The following CIMAP2 variants were observed in gnomAD, a reference collection of about 807,000 sequenced individuals.
CIMAP2 encodes the protein ciliary microtubule associated protein 2, also known as ciliary microtubule-associated protein 2.
At chr1:54,817,044 G>C in the CIMAP2 span, 1 of 1,614,108 alleles carries the variant, frequency 6.2e-7, no homozygotes, top group Non-Finnish European at 8.5e-7. Flanking sequence ...ACAAAGGACA[G>C]GCGGCAGCGA....
chr1:54,841,891 A>C, the CIMAP2 span: 2 of 1,550,014 alleles, frequency 1.3e-6, no homozygotes. Flanking sequence ...TGCGAAGGAC[A>C]GCCTGCAGTG....
the CIMAP2 span, chr1:54,806,279 C>T: frequency 7.0e-7 from 1 of 1,426,370 alleles, no homozygotes; most frequent in Non-Finnish European, 9.2e-7. Flanking sequence ...GCTGCCCACC[C>T]CGAAGCCACG....
At chr1:54,825,384 G>A in the CIMAP2 span, among the ~76,000 whole-genome samples, 2 of 152,202 alleles carry the variant, frequency 1.3e-5, no homozygotes, top group East Asian at 3.9e-4. Context: ...CATATATAGT[G>A]TTGGTTGGGT....
chr1:54,815,165 C>A, the CIMAP2 span: 1 of 1,394,450 alleles, frequency 7.2e-7, no homozygotes, highest in Non-Finnish European at 9.8e-7. Context: ...TTCTTTTCCC[C>A]AAGGGACCTG....
chr1:54,811,776 C>CACACCCCCGG, the CIMAP2 span: 1 of 491,894 alleles, frequency 2.0e-6, no homozygotes, highest in Non-Finnish European at 3.9e-6. Flanking sequence ...CCTCCATGCC[C>CACACCCCCGG]CCACCCCCGC....
chr1:54,811,766 C>CGGGCGGGGGG, the CIMAP2 span: 1 of 1,305,188 alleles, frequency 7.7e-7, no homozygotes. Flanking sequence ...GTTCTGACAG[C>CGGGCGGGGGG]CTCCATGCCC....
the CIMAP2 span, among the ~76,000 whole-genome samples, chr1:54,840,263 T>G: frequency 6.6e-6 from 1 of 152,238 alleles, no homozygotes; most frequent in Admixed American, 6.5e-5. Flanking sequence ...TTTTCTTTCA[T>G]GTTACACGGT....
the CIMAP2 span, chr1:54,807,794 A>G: frequency 6.6e-7 from 1 of 1,510,256 alleles, no homozygotes; most frequent in East Asian, 2.4e-5. Flanking sequence ...CCAGATGGAG[A>G]TTATCCTTTA....
At chr1:54,828,457 G>C in the CIMAP2 span, among the ~76,000 whole-genome samples, 1 of 152,050 alleles carries the variant, frequency 6.6e-6, no homozygotes, top group African/African-American at 2.4e-5. Flanking sequence ...TCAGCTTCCT[G>C]AGTAGCTGGG....
chr1:54,828,222 G>C, the CIMAP2 span, among the ~76,000 whole-genome samples: 2 of 152,206 alleles, frequency 1.3e-5, no homozygotes, highest in African/African-American at 4.8e-5. Flanking sequence ...AAACCGTAGA[G>C]CTAGGAAGGC....
chr1:54,808,065 G>A, the CIMAP2 span: 11 of 1,478,214 alleles, frequency 7.4e-6, no homozygotes, highest in Non-Finnish European at 9.9e-6. Context: ...TACACTGGGT[G>A]CCCAACAAAT....
At chr1:54,832,655 C>T in the CIMAP2 span, among the ~76,000 whole-genome samples, 5 of 151,788 alleles carry the variant, frequency 3.3e-5, no homozygotes, top group Admixed American at 3.3e-4. Flanking sequence ...AAGATTGAAA[C>T]CAAAAGAAGC....
chr1:54,811,766 C>CCGG, the CIMAP2 span: 1 of 1,305,190 alleles, frequency 7.7e-7, no homozygotes, highest in Non-Finnish European at 1.1e-6. Context: ...GTTCTGACAG[C>CCGG]CTCCATGCCC....
the CIMAP2 span, among the ~76,000 whole-genome samples, chr1:54,839,590 C>A: frequency 2.6e-5 from 4 of 152,044 alleles, no homozygotes; most frequent in Non-Finnish European, 5.9e-5. Flanking sequence ...GTTGGCCAGG[C>A]TGGTCTCAAA....
chr1:54,818,953 G>T, the CIMAP2 span, among the ~76,000 whole-genome samples: 1 of 152,236 alleles, frequency 6.6e-6, no homozygotes, highest in Non-Finnish European at 1.5e-5. Flanking sequence ...TTTGCCCCCT[G>T]TGTTGTCTCC....
chr1:54,810,555 G>A, the CIMAP2 span, among the ~76,000 whole-genome samples: 1 of 152,188 alleles, frequency 6.6e-6, no homozygotes, highest in East Asian at 1.9e-4. Context: ...TCCCCACGCA[G>A]AGGTCCCTGC....
the CIMAP2 span, among the ~76,000 whole-genome samples, chr1:54,809,959 T>C: frequency 5.3e-5 from 8 of 152,164 alleles, no homozygotes; most frequent in Non-Finnish European, 5.9e-5. Context: ...TCATTCCTGT[T>C]TGAGTCCCCA....
chr1:54,818,387 CT>C, the CIMAP2 span, among the ~76,000 whole-genome samples: 3 of 106,954 alleles, frequency 2.8e-5, 1 homozygote, highest in East Asian at 7.6e-4. Flanking sequence ...TTTTTTTTCT[CT>C]CTCTCTCTTC....
the CIMAP2 span, among the ~76,000 whole-genome samples, chr1:54,840,536 G>A: frequency 6.6e-6 from 1 of 152,296 alleles, no homozygotes; most frequent in Non-Finnish European, 1.5e-5. Flanking sequence ...GTGGGTGTGT[G>A]TATAACTTTG....
Sources: allele counts gnomAD v4.1 joint callset (sites outside exome capture counted in the v4.1 genomes callset), GRCh38; gene constraint gnomAD v4.1.1; transcripts MANE v1.5; gene names NCBI Gene and HGNC (gene_info 2026-07-23, HGNC 2026-07-21).